WWC1: variants seen among roughly 807,000 people sequenced by gnomAD.
WWC1 encodes WW and C2 domain containing 1.
WWC1 carries 55 observed loss-of-function variants against 138.4 expected under a neutral mutation model. The observed-to-expected ratio is 0.40, with a 90% CI of 0.32 to 0.50. The LOEUF is 0.50. Ranked by LOEUF, WWC1 falls within the 20% of genes least tolerant of loss-of-function variation. The pLI is 0.72. For missense variants in WWC1, 1,226 were observed against 1,420.4 expected (o/e 0.86, Z 2.20); for synonymous variants, 524 against 564.9 (o/e 0.93, Z 1.03).
intron 1 of WWC1, among the ~76,000 whole-genome samples, chr5:168,367,057 C>A (rs916638461): frequency 6.6e-6 from 1 of 152,044 alleles, no homozygotes; most frequent in Admixed American, 6.6e-5. Context: ...CTCAGCCTCC[C>A]AAATGCTGAG....
chr5:168,385,322 A>G lies in WWC1; in HGVS notation c.341A>G (p.Tyr114Cys). 6.2e-7 allele frequency: 1 copy of G among 1,614,138 alleles called. No individual in the cohort carries two copies. The highest frequency in any genetic ancestry group is 8.5e-7 in the Non-Finnish European group (1 of 1,180,030). The change falls in exon 3 of 23, where the codon TAC becomes TGC. Residue 114 changes from tyrosine to cysteine, a missense_variant. Tyr to Cys is a radical substitution (Grantham distance 194). Around this residue, in one of 3 missense-constraint regions of WWC1, gnomAD observed 1,016 missense variants for 1,153.9 expected, o/e 0.88. Transcript: ENST00000265293. ...QEALSAQKEI[Y>C]QVKQQRLELA... Reference sequence around the variant, plus strand: ...GCTCTGAGTGCACAAAAGGAGATCTACCAGGTGAAGCAGCAGCGCCTGGAG... The same window carrying G: ...GCTCTGAGTGCACAAAAGGAGATCTGCCAGGTGAAGCAGCAGCGCCTGGAG...
At chr5:168,379,487 C>T (rs568487149) in intron 2 of WWC1, among the ~76,000 whole-genome samples, 1 of 152,248 alleles carries the variant, frequency 6.6e-6, no homozygotes, top group South Asian at 2.1e-4. Context: ...GCAACCTCTG[C>T]CTCCTGGGTT....
intron 1 of WWC1, among the ~76,000 whole-genome samples, chr5:168,312,198 C>G (rs1340065214): frequency 6.7e-6 from 1 of 149,572 alleles, no homozygotes; most frequent in Non-Finnish European, 1.5e-5. Flanking sequence ...GCCTGGGTGA[C>G]AGAACGAGAC....
chr5:168,309,444 A>G (rs1437493251), intron 1 of WWC1, among the ~76,000 whole-genome samples: 2 of 151,680 alleles, frequency 1.3e-5, no homozygotes, highest in Non-Finnish European at 1.5e-5. Context: ...CTTAAGGTCC[A>G]AAGGGTGCAT....
intron 1 of WWC1, among the ~76,000 whole-genome samples, chr5:168,365,919 G>T (rs1223511566): frequency 1.3e-5 from 2 of 152,250 alleles, no homozygotes; most frequent in Non-Finnish European, 2.9e-5. Flanking sequence ...AGCCCGAGTT[G>T]TGGAGGCTGG....
intron 6 of WWC1, among the ~76,000 whole-genome samples, chr5:168,407,628 C>G (rs561864293): frequency 2.6e-5 from 4 of 152,306 alleles, no homozygotes; most frequent in Admixed American, 6.5e-5. Flanking sequence ...TGGTTGAGAT[C>G]ATGGAGCCTT....
chr5:168,346,352 GAAAC>G (rs1774473506), intron 1 of WWC1, among the ~76,000 whole-genome samples: 1 of 152,166 alleles, frequency 6.6e-6, no homozygotes, highest in Non-Finnish European at 1.5e-5. Flanking sequence ...ACCATACAGG[GAAAC>G]AATGCCCGCA....
intron 6 of WWC1, 51 bp from the exon 7 acceptor site, chr5:168,408,456 G>C: frequency 6.3e-7 from 1 of 1,598,310 alleles, no homozygotes; most frequent in Non-Finnish European, 8.5e-7. Context: ...GGCAGACCCA[G>C]AGCTCCCTCC....
At chr5:168,466,270 A>G (rs1261881061) in intron 21 of WWC1, among the ~76,000 whole-genome samples, 1 of 152,218 alleles carries the variant, frequency 6.6e-6, no homozygotes, top group Non-Finnish European at 1.5e-5. Context: ...ATGAAGAAAT[A>G]AACAATATGG....
At position 168,304,903 on chromosome 5, in the gene WWC1, G is replaced by A. The variant is rs1033147241; in HGVS notation, c.119+12632G>A. ...TGCAATGGTGCGACTTCAGTTCACC[G>A]CAACATTTGCCTCCTGGGTTCAAAT... On this transcript the variant is annotated intron_variant, in intron 1 of 22. Coordinates refer to ENST00000265293, the MANE Select transcript of WWC1 (RefSeq NM_015238.3). 4.7e-5 allele frequency among the ~76,000 whole-genome samples: 7 copies of A among 150,294 alleles called. No homozygotes were observed. The East Asian group carries it at 9.8e-4, about 21-fold the overall frequency.
At chr5:168,319,673 G>A (rs1268159963) in intron 1 of WWC1, among the ~76,000 whole-genome samples, 1 of 152,096 alleles carries the variant, frequency 6.6e-6, no homozygotes, top group African/African-American at 2.4e-5. Flanking sequence ...GCTCATTTTT[G>A]TACTTTTAGT....
intron 1 of WWC1, among the ~76,000 whole-genome samples, chr5:168,297,824 T>C (rs1769687503): frequency 6.6e-6 from 1 of 152,190 alleles, no homozygotes; most frequent in Non-Finnish European, 1.5e-5. Context: ...TGTGCATGGC[T>C]GCATTATTCT....
intron 1 of WWC1, among the ~76,000 whole-genome samples, chr5:168,293,492 C>T (rs1002061778): frequency 6.6e-6 from 1 of 152,158 alleles, no homozygotes; most frequent in African/African-American, 2.4e-5. Context: ...TCTGGGAGCA[C>T]TTACTTTCAT....
intron 18 of WWC1, 27 bp downstream of exon 18, chr5:168,454,127 G>T: frequency 6.2e-7 from 1 of 1,605,452 alleles, no homozygotes; most frequent in Non-Finnish European, 8.5e-7. Context: ...GGATAGAAGG[G>T]CTGTCGTGGG....
chr5:168,349,704 C>T (rs940460011), intron 1 of WWC1, among the ~76,000 whole-genome samples: 1 of 152,108 alleles, frequency 6.6e-6, no homozygotes. Flanking sequence ...GCTCTCCTTC[C>T]CTTTGCTTCT....
At chr5:168,350,381 C>T (rs1774845756) in intron 1 of WWC1, among the ~76,000 whole-genome samples, 1 of 152,142 alleles carries the variant, frequency 6.6e-6, no homozygotes. Context: ...GAGGTGGGTT[C>T]CTCAGGAAAT....
chr5:168,457,644 A>G (rs1349267525), intron 19 of WWC1, among the ~76,000 whole-genome samples: 1 of 152,244 alleles, frequency 6.6e-6, no homozygotes, highest in Non-Finnish European at 1.5e-5. Flanking sequence ...AGGCAGGAGC[A>G]AGGAAGGCCA....
At chr5:168,421,986 C>T (rs1236980445) in intron 9 of WWC1, 22 bp from the exon 10 acceptor site, 5 of 1,601,464 alleles carry the variant, frequency 3.1e-6, no homozygotes, top group East Asian at 2.2e-5. Flanking sequence ...GTGCATCCCT[C>T]GCATGCTTTC....
At chr5:168,342,169 A>G (rs1414437351) in intron 1 of WWC1, among the ~76,000 whole-genome samples, 1 of 152,200 alleles carries the variant, frequency 6.6e-6, no homozygotes, top group Non-Finnish European at 1.5e-5. Context: ...ACTTTCAGAT[A>G]CAGGGAGTAT....
Sources: allele counts gnomAD v4.1 joint callset (sites outside exome capture counted in the v4.1 genomes callset), GRCh38; gene constraint gnomAD v4.1.1; regional missense constraint gnomAD v4.1.1; transcripts MANE v1.5; gene names NCBI Gene and HGNC (gene_info 2026-07-23, HGNC 2026-07-21).